AGBL1: variants seen among roughly 807,000 people sequenced by gnomAD.
AGBL1 encodes cytosolic carboxypeptidase 4.
In AGBL1, 130 loss-of-function variants were observed where a neutral mutation model predicts 118.9. That is an observed-to-expected ratio of 1.09 (90% CI 0.95 to 1.26). AGBL1 has a LOEUF of 1.26. AGBL1 is among the 50% of genes most tolerant of loss of function. The probability of loss-of-function intolerance (pLI) is 0.00; values close to 1 mark genes in which losing one functional copy is unlikely to be tolerated. For missense variants in AGBL1, 1,584 were observed against 1,298.1 expected (o/e 1.22, Z -3.38); for synonymous variants, 555 against 478.9 (o/e 1.16, Z -2.08).
chr15:86,165,108 G>A (rs915952419), intron 5 of AGBL1, among the ~76,000 whole-genome samples: 1 of 152,154 alleles, frequency 6.6e-6, no homozygotes, highest in Admixed American at 6.5e-5. Flanking sequence ...CCTTGGCAAC[G>A]GGAGGAGATG....
At chr15:86,933,257 T>C (rs998295290) in intron 23 of AGBL1, among the ~76,000 whole-genome samples, 45 of 152,150 alleles carry the variant, frequency 3.0e-4, no homozygotes, top group African/African-American at 9.9e-4. Context: ...AAGATAACCA[T>C]GGGAGGACTT....
intron 5 of AGBL1, among the ~76,000 whole-genome samples, chr15:86,168,992 T>A (rs2077378772): frequency 6.6e-6 from 1 of 152,208 alleles, no homozygotes; most frequent in Admixed American, 6.5e-5. Flanking sequence ...ATAAAATATA[T>A]AAACCAATGT....
intron 23 of AGBL1, chr15:86,939,827 AT>A (rs1286596010): frequency 6.6e-6 from 1 of 152,146 alleles, no homozygotes; most frequent in Non-Finnish European, 1.5e-5. Context: ...TGCACCAGTA[AT>A]TTTGGCAGAA....
In AGBL1 at chr15:86,135,973, T is replaced by C. The variant is rs187417262; in HGVS notation, c.52-6031T>C. Among the ~76,000 whole-genome samples, 29 of 152,306 alleles carry C rather than the reference T, an allele frequency of 1.9e-4. No individual in the cohort carries two copies. In the East Asian group the frequency reaches 5.0e-3, roughly 26 times the overall value. On this transcript the variant is annotated intron_variant, in intron 1 of 22. Transcript: ENST00000614907. ...AAGAGGTCCAGGTACCTTAAGACTA[T>C]TATGCTGAAAAAGACATATGTGGGC...
At chr15:86,406,182 C>T (rs2081527392) in intron 18 of AGBL1, among the ~76,000 whole-genome samples, 1 of 152,202 alleles carries the variant, frequency 6.6e-6, no homozygotes, top group Admixed American at 6.5e-5. Flanking sequence ...TTAACTGGAA[C>T]TGGGAAACAG....
At chr15:86,412,265 A>T (rs2081631488) in intron 18 of AGBL1, among the ~76,000 whole-genome samples, 1 of 152,232 alleles carries the variant, frequency 6.6e-6, no homozygotes, top group Admixed American at 6.5e-5. Context: ...GGTGCTGACC[A>T]ATCTTAGAGT....
chr15:86,232,373 C>T (rs1012722892), intron 6 of AGBL1, among the ~76,000 whole-genome samples: 5 of 152,138 alleles, frequency 3.3e-5, no homozygotes, highest in African/African-American at 4.8e-5. Context: ...ATCTTGGCCG[C>T]GCTAGTCCAA....
chr15:86,398,277 G>A (rs2081396723), intron 18 of AGBL1, among the ~76,000 whole-genome samples: 1 of 152,166 alleles, frequency 6.6e-6, no homozygotes, highest in African/African-American at 2.4e-5. Context: ...CCAGACATCA[G>A]ATGAGGCACC....
chr15:86,159,742 C>T (rs2077240746), intron 5 of AGBL1, among the ~76,000 whole-genome samples: 1 of 152,074 alleles, frequency 6.6e-6, no homozygotes, highest in Admixed American at 6.6e-5. Context: ...CAGCCAATTT[C>T]CAAGATAGAT....
chr15:86,717,938 C>T (rs1006459772), intron 22 of AGBL1, among the ~76,000 whole-genome samples: 5 of 151,940 alleles, frequency 3.3e-5, no homozygotes, highest in South Asian at 2.1e-4. Context: ...ATTAGCTGGG[C>T]GTGATGGCAT....
At position 86,161,956 on chromosome 15, in the gene AGBL1, C is replaced by T. The variant is rs138773808; in HGVS notation, c.488+2930C>T. On this transcript the variant is annotated intron_variant, in intron 5 of 22. Transcript: ENST00000614907. ...AATAACAAATAATGTGTAAAGACAT[C>T]GTGTGCTTTGACATGCTATGACATT... is the stretch of plus-strand genomic sequence containing the variant. Among the ~76,000 whole-genome samples, 6 of 152,288 alleles carry T rather than the reference C, an allele frequency of 3.9e-5. No individual in the cohort carries two copies. The East Asian group carries it at 9.6e-4, about 24-fold the overall frequency.
At chr15:86,162,730 A>G (rs575603955) in intron 5 of AGBL1, among the ~76,000 whole-genome samples, 2 of 152,310 alleles carry the variant, frequency 1.3e-5, no homozygotes, top group South Asian at 4.1e-4. Flanking sequence ...AGCCATCAGG[A>G]ATGTGCCTCA....
rs142607345 is a variant in AGBL1 at position 86,851,424 on chromosome 15, G to A, written c.3159-55663G>A. 5.1e-3 allele frequency among the ~76,000 whole-genome samples: 779 copies of A among 152,184 alleles called. 4 individuals are homozygous for A. The highest frequency in any genetic ancestry group is 7.6e-3 in the Non-Finnish European group (518 of 68,002). On this transcript the variant is annotated intron_variant, in intron 22 of 22. Transcript: ENST00000614907. ...GTGAGGACAGAAAGGTCCATCACCT[G>A]GTCAAGAACACAGCATCATTGCTCT...
At chr15:86,578,394 T>G (rs998324060) in intron 21 of AGBL1, among the ~76,000 whole-genome samples, 1 of 152,092 alleles carries the variant, frequency 6.6e-6, no homozygotes, top group Non-Finnish European at 1.5e-5. Flanking sequence ...CTAACTTGCT[T>G]TTGATTTTAC....
chr15:86,712,752 C>T (rs12439218), intron 22 of AGBL1, among the ~76,000 whole-genome samples: 52,108 of 151,970 alleles, frequency 0.34, 10,650 homozygotes, highest in Non-Finnish European at 0.46. Context: ...GGTCCAATTC[C>T]GGACTCATTA....
In AGBL1 at chr15:86,459,759, C is replaced by T. The variant is rs546476753; in HGVS notation, c.2555+62213C>T. Among the ~76,000 whole-genome samples the T allele has an allele frequency of 1.1e-4, 17 of 152,206 alleles. No homozygotes were observed. In the East Asian group the frequency reaches 3.1e-3, roughly 28 times the overall value. On this transcript the variant is annotated intron_variant, in intron 18 of 22. Transcript: ENST00000614907. ...GAATTTGAACTTAGGTCTCTGACTC[C>T]TAAGGGTATATTCTCAAGTCCTACC...
intron 22 of AGBL1, among the ~76,000 whole-genome samples, chr15:86,684,773 C>A (rs916471884): frequency 6.6e-6 from 1 of 152,138 alleles, no homozygotes; most frequent in African/African-American, 2.4e-5. Flanking sequence ...TAGGGAATCT[C>A]CTTTCGGATC....
rs566974233 is a variant in AGBL1 at position 86,426,577 on chromosome 15, A to G, written c.2555+29031A>G. On this transcript the variant is annotated intron_variant, in intron 18 of 22. Transcript: ENST00000614907. ...CCGGCCAACAACTGAAGCCTCAAAC[A>G]TGGTGGCCAAAGTGAGTAGTGGACA... Among the ~76,000 whole-genome samples, 4 of 152,314 alleles carry G rather than the reference A, an allele frequency of 2.6e-5. No individual in the cohort carries two copies. The South Asian group carries it at 6.2e-4, about 24-fold the overall frequency.
chr15:86,495,674 A>G (rs917837401), intron 18 of AGBL1, among the ~76,000 whole-genome samples: 1 of 151,958 alleles, frequency 6.6e-6, no homozygotes, highest in Admixed American at 6.6e-5. Context: ...CCTGGTCTCT[A>G]CAGTAATTTT....
Sources: allele counts gnomAD v4.1 joint callset (sites outside exome capture counted in the v4.1 genomes callset), GRCh38; gene constraint gnomAD v4.1.1; transcripts MANE v1.5; gene names NCBI Gene and HGNC (gene_info 2026-07-23, HGNC 2026-07-21).